The following USP54 variants were observed in gnomAD, a reference collection of about 807,000 sequenced individuals.
USP54 encodes ubiquitin carboxyl-terminal hydrolase 54.
A neutral mutation model predicts 170.5 loss-of-function variants in USP54; 87 were observed. The ratio of observed to expected loss-of-function variants is 0.51; its 90% CI spans 0.43 to 0.61. USP54 has a LOEUF of 0.61. USP54 is among the 20% of genes least tolerant of loss of function. The pLI is 0.00. For missense variants in USP54, 1,786 were observed against 2,047.8 expected (o/e 0.87, Z 2.47); for synonymous variants, 655 against 742.8 (o/e 0.88, Z 1.92).
intron 4 of USP54, among the ~76,000 whole-genome samples, chr10:73,546,988 A>G (rs190956212): frequency 4.6e-4 from 70 of 152,296 alleles, no homozygotes; most frequent in Middle Eastern, 3.4e-3. Flanking sequence ...GGTCCTTTGT[A>G]TTACTTGTGG....
chr10:73,501,863 A>G (rs7098453), intron 22 of USP54, among the ~76,000 whole-genome samples: 22,999 of 152,090 alleles, frequency 0.15, 2,836 homozygotes, highest in African/African-American at 0.32. Context: ...TATCACTGAG[A>G]TCTCTAATCA....
chr10:73,515,540 G>C (rs1007058045), intron 20 of USP54, among the ~76,000 whole-genome samples: 2 of 152,130 alleles, frequency 1.3e-5, no homozygotes, highest in Non-Finnish European at 2.9e-5. Context: ...TAGGCATATA[G>C]TACATTAAAA....
intron 1 of USP54, among the ~76,000 whole-genome samples, chr10:73,614,561 C>CAAA (rs60519884): frequency 1.2e-4 from 6 of 50,196 alleles, no homozygotes; most frequent in African/African-American, 3.4e-4. Flanking sequence ...ACTCCGTCTC[C>CAAA]AAAAAAAAAA....
At chr10:73,525,313 G>A (rs1160597508) in intron 16 of USP54, among the ~76,000 whole-genome samples, 2 of 152,182 alleles carry the variant, frequency 1.3e-5, no homozygotes, top group Non-Finnish European at 2.9e-5. Flanking sequence ...TACCATATAA[G>A]AATGTTTGTT....
intron 10 of USP54, chr10:73,538,449 C>G (rs892211897): frequency 1.3e-5 from 2 of 151,352 alleles, no homozygotes; most frequent in Non-Finnish European, 2.9e-5. Context: ...CCAAAGCCCA[C>G]GTAAGGAGCT....
chr10:73,508,299 C>T (rs924650330), intron 20 of USP54, among the ~76,000 whole-genome samples: 20 of 151,002 alleles, frequency 1.3e-4, no homozygotes, highest in Admixed American at 7.3e-4. Flanking sequence ...CCCAGCTACT[C>T]GGGAGGCTGA....
At chr10:73,519,449 T>C (rs1359889170) in intron 19 of USP54, 4 of 277,248 alleles carry the variant, frequency 1.4e-5, no homozygotes, top group African/African-American at 6.5e-5. Flanking sequence ...ATAAATCACA[T>C]GGTAGCTACT....
intron 15 of USP54, among the ~76,000 whole-genome samples, chr10:73,528,055 C>T (rs1171634994): frequency 6.6e-6 from 1 of 151,994 alleles, no homozygotes; most frequent in Admixed American, 6.6e-5. Context: ...CCTGCCTCAG[C>T]CTCCAGAGTA....
chr10:73,523,876 AT>A, intron 16 of USP54, 126 bp from the exon 17 acceptor site: 1 of 200,686 alleles, frequency 5.0e-6, no homozygotes, highest in Non-Finnish European at 7.1e-6. Flanking sequence ...TTATTTATTT[AT>A]TATTTATTAT....
chr10:73,540,943 G>T (rs1316268449), intron 9 of USP54, among the ~76,000 whole-genome samples: 1 of 152,044 alleles, frequency 6.6e-6, no homozygotes, highest in Non-Finnish European at 1.5e-5. Context: ...ATATTTTTGG[G>T]CTCAGGTCAC....
chr10:73,543,765 T>C (rs770515441), intron 5 of USP54, among the ~76,000 whole-genome samples: 10 of 152,218 alleles, frequency 6.6e-5, no homozygotes, highest in Non-Finnish European at 1.2e-4. Flanking sequence ...TGTGTATGTA[T>C]AGCTCTATGC....
chr10:73,533,966 C>T lies in USP54; in HGVS notation c.1315+634G>A, dbSNP rs571199653. ...ATGATGATGTGCAAGATCACAGGGGCTTAATGGGATACTACGGGAATCAAG... is the reference window on the plus strand; with the variant it reads ...ATGATGATGTGCAAGATCACAGGGGTTTAATGGGATACTACGGGAATCAAG... On this transcript the variant is annotated intron_variant, in intron 12 of 23. Coordinates refer to ENST00000687698, the MANE Select transcript of USP54 (RefSeq NM_001391956.1). 7.4e-4 allele frequency among the ~76,000 whole-genome samples: 113 copies of T among 152,268 alleles called. 1 individual carries two copies. In the Middle Eastern group the frequency reaches 0.014, roughly 18 times the overall value.
rs1234864324 is a variant in USP54 at position 73,497,718 on chromosome 10, G to C, written c.*911C>G. On this transcript the variant is annotated 3_prime_UTR_variant, in exon 24 of 24. Coordinates refer to ENST00000687698, the MANE Select transcript of USP54 (RefSeq NM_001391956.1). ...TGTGCCTGACTCCATCTGTTCAAAA[G>C]GGTGAATGTTATGTTGGCAGCTCCG... The C allele has an allele frequency of 6.6e-6, 1 of 152,276 alleles. No homozygotes were observed. Among genetic ancestry groups the C allele is most frequent in the African/African-American group, 2.4e-5 (1 of 41,432 alleles). The allele number at this position is 152,276 out of a possible 1,614,324, so 9.4% of individuals were successfully genotyped here.
At chr10:73,580,579 T>C (rs541394078) in intron 1 of USP54, among the ~76,000 whole-genome samples, 2 of 152,184 alleles carry the variant, frequency 1.3e-5, no homozygotes, top group East Asian at 3.9e-4. Flanking sequence ...TTTATTTATT[T>C]ATTTATTTTT....
rs150992939 is a variant in USP54 at position 73,620,158 on chromosome 10, C to G, written c.-18+5409G>C. 4.1e-3 allele frequency among the ~76,000 whole-genome samples: 621 copies of G among 150,068 alleles called. 74 individuals are homozygous for G. Among genetic ancestry groups the G allele is most frequent in the African/African-American group, 0.015 (586 of 39,536 alleles). On this transcript the variant is annotated intron_variant, in intron 1 of 22. Coordinates refer to the USP54 transcript ENST00000339859. ...TGAAACTCTGTCTCTACTGAAAATA[C>G]AATAATTAGCTGGGCGTGGTGGCGG...
At position 73,524,504 on chromosome 10, in the gene USP54, C is replaced by T. The variant is rs148725399; in HGVS notation, c.2195-754G>A. On this transcript the variant is annotated intron_variant, in intron 16 of 23. Coordinates refer to ENST00000687698, the MANE Select transcript of USP54 (RefSeq NM_001391956.1). ...CTGAGGCAGGAGAATCACTTTAACC[C>T]GGGAGGTGGAGGTTGCAGTGAGCCA... Among the ~76,000 whole-genome samples the T allele has an allele frequency of 8.5e-3, 1,298 of 151,998 alleles. 24 individuals carry two copies. The highest frequency in any genetic ancestry group is 0.055 in the East Asian group (283 of 5,102).
intron 16 of USP54, among the ~76,000 whole-genome samples, chr10:73,525,973 G>C (rs574602143): frequency 1.9e-4 from 29 of 151,874 alleles, no homozygotes; most frequent in Non-Finnish European, 3.8e-4. Context: ...TACCCCTTTG[G>C]TATGTCAATT....
At chr10:73,589,264 T>G (rs939709300) in intron 1 of USP54, among the ~76,000 whole-genome samples, 11 of 152,192 alleles carry the variant, frequency 7.2e-5, no homozygotes, top group African/African-American at 2.7e-4. Flanking sequence ...CTGAATCTCC[T>G]GCCAAAATCA....
chr10:73,555,573 G>T (rs932350593), intron 4 of USP54, among the ~76,000 whole-genome samples: 1 of 152,080 alleles, frequency 6.6e-6, no homozygotes, highest in East Asian at 1.9e-4. Flanking sequence ...GGCCAAATTC[G>T]CCACAGAAAG....
Sources: allele counts gnomAD v4.1 joint callset (sites outside exome capture counted in the v4.1 genomes callset), GRCh38; gene constraint gnomAD v4.1.1; transcripts MANE v1.5; gene names NCBI Gene and HGNC (gene_info 2026-07-23, HGNC 2026-07-21).